CHRDL2: variants seen among roughly 807,000 people sequenced by gnomAD.
CHRDL2 encodes the protein chordin like 2.
A neutral mutation model predicts 54.3 loss-of-function variants in CHRDL2; 41 were observed. The observed-to-expected ratio is 0.76, with a 90% confidence interval of 0.59 to 0.98. CHRDL2 has a LOEUF of 0.98. Ranked by LOEUF, CHRDL2 falls within the 50% of genes least tolerant of loss-of-function variation. The pLI is 0.00. For missense variants in CHRDL2, 518 were observed against 562.4 expected (o/e 0.92, Z 0.80); for synonymous variants, 220 against 224.3 (o/e 0.98, Z 0.17).
In CHRDL2 at chr11:74,721,982, G is replaced by C. The variant is rs145958267; in HGVS notation, c.83-3150C>G. On this transcript the variant is annotated intron_variant, in intron 1 of 10. Transcript: ENST00000376332. ...AGCTTCTAGAATTGTCCAATGTTGT[G>C]GTTCTAAGATTCGATCATTCCAAGA... Among the ~76,000 whole-genome samples, 375 of 152,264 alleles carry C rather than the reference G, an allele frequency of 2.5e-3. 1 individual carries two copies. Among genetic ancestry groups the C allele is most frequent in the African/African-American group, 8.4e-3 (350 of 41,556 alleles).
intron 7 of CHRDL2, among the ~76,000 whole-genome samples, chr11:74,703,780 C>T (rs1364468239): frequency 1.3e-5 from 2 of 152,248 alleles, no homozygotes; most frequent in African/African-American, 4.8e-5. Flanking sequence ...AAGGAGAGTG[C>T]TGATCTTGTG....
Position 74,722,033 on chromosome 11 carries a change from G to T in CHRDL2, c.83-3201C>A, listed in dbSNP as rs185085466. On this transcript the variant is annotated intron_variant, in intron 1 of 10. Transcript: ENST00000376332. Reference sequence around the variant, plus strand: ...TTCTATGATTCTTGGATGTGTTGATGGTCTCATACATCTTAGGCTCTCAGA... The same window carrying T: ...TTCTATGATTCTTGGATGTGTTGATTGTCTCATACATCTTAGGCTCTCAGA... 2.6e-3 allele frequency among the ~76,000 whole-genome samples: 403 copies of T among 152,316 alleles called. 2 individuals carry two copies. The highest frequency in any genetic ancestry group is 3.4e-3 in the Non-Finnish European group (228 of 68,030).
At chr11:74,701,381 G>A (rs547389063) in intron 9 of CHRDL2, 4 of 439,914 alleles carry the variant, frequency 9.1e-6, no homozygotes, top group East Asian at 3.3e-5. Flanking sequence ...TGACTCTTGC[G>A]GTCACTCAGA....
Position 74,703,435 on chromosome 11 carries a change from G to A in CHRDL2, c.816C>T (p.Phe272=), listed in dbSNP as rs780156644. The A allele has an allele frequency of 2.7e-5, 44 of 1,612,848 alleles. No homozygotes were observed. The highest frequency in any genetic ancestry group is 1.5e-4 in the African/African-American group (11 of 74,944). ...TGCATAGGATGCAGGGCAAGGGGCC[G>A]AAGGCACGGAAGGCCGGGTGCCACA... ...GEVWHPAFRA[F]GPLPCILCTC... is the part of the protein sequence containing the mutation. The change falls in exon 8 of 11, where the codon TTC becomes TTT. Residue 272 remains phenylalanine, a synonymous_variant. Transcript: ENST00000376332.
chr11:74,704,882 C>T (rs1328250822), intron 6 of CHRDL2, among the ~76,000 whole-genome samples: 2 of 152,172 alleles, frequency 1.3e-5, no homozygotes, highest in Non-Finnish European at 2.9e-5. Flanking sequence ...GGAAATCTGG[C>T]CTCCACGAAG....
intron 3 of CHRDL2, among the ~76,000 whole-genome samples, chr11:74,712,131 A>T (rs1000338215): frequency 6.6e-6 from 1 of 151,872 alleles, no homozygotes. Context: ...TTTAATTTTT[A>T]AAAAAGAAGT....
intron 10 of CHRDL2, 52 bp downstream of exon 10, chr11:74,697,153 G>C: frequency 8.3e-6 from 12 of 1,449,192 alleles, no homozygotes; most frequent in Non-Finnish European, 1.2e-5. Context: ...GCTCTGGCCC[G>C]TGTCCTTGCC....
chr11:74,724,702 G>A (rs1237615955), intron 1 of CHRDL2, among the ~76,000 whole-genome samples: 2 of 152,342 alleles, frequency 1.3e-5, no homozygotes, highest in African/African-American at 2.4e-5. Context: ...TTTCTGTGAA[G>A]CTGCCCCAAA....
chr11:74,706,461 C>T (rs2034012047), intron 6 of CHRDL2, 26 bp downstream of exon 6: 1 of 1,612,766 alleles, frequency 6.2e-7, no homozygotes, highest in Non-Finnish European at 8.5e-7. Flanking sequence ...CTGTCCCGCA[C>T]CCCGTCAATA....
intron 1 of CHRDL2, among the ~76,000 whole-genome samples, chr11:74,724,496 C>A (rs1053334030): frequency 1.3e-5 from 2 of 152,240 alleles, no homozygotes; most frequent in South Asian, 4.1e-4. Context: ...GCCTGCTTTT[C>A]CAGCAAAACT....
intron 1 of CHRDL2, among the ~76,000 whole-genome samples, chr11:74,730,404 G>A (rs550865856): frequency 6.6e-6 from 1 of 152,328 alleles, no homozygotes; most frequent in Admixed American, 6.5e-5. Context: ...AAAAGAATGG[G>A]AAGGTTATCC....
At chr11:74,704,272 C>G (rs1188192571) in intron 7 of CHRDL2, among the ~76,000 whole-genome samples, 2 of 152,176 alleles carry the variant, frequency 1.3e-5, no homozygotes, top group Non-Finnish European at 2.9e-5. Flanking sequence ...TACTCTGAAC[C>G]TCAGTGTCCT....
chr11:74,705,603 C>A (rs930124043), intron 6 of CHRDL2, among the ~76,000 whole-genome samples: 6 of 152,350 alleles, frequency 3.9e-5, no homozygotes, highest in African/African-American at 1.4e-4. Context: ...AATGCTTGCT[C>A]CAGTCACCCA....
chr11:74,710,215 CAAA>C (rs1180503358), intron 4 of CHRDL2, among the ~76,000 whole-genome samples: 3 of 73,974 alleles, frequency 4.1e-5, no homozygotes, highest in Non-Finnish European at 2.8e-5. Flanking sequence ...GACTCCGTCT[CAAA>C]AAAAAAAAAA....
chr11:74,708,538 A>G, intron 4 of CHRDL2, 143 bp from the exon 5 acceptor site: 1 of 611,592 alleles, frequency 1.6e-6, no homozygotes, highest in Non-Finnish European at 2.7e-6. Context: ...CTCCACAGCA[A>G]GGCCCGGCCA....
chr11:74,708,249 G>T, intron 5 of CHRDL2, 53 bp downstream of exon 5: 1 of 1,258,598 alleles, frequency 7.9e-7, no homozygotes, highest in Non-Finnish European at 1.1e-6. Context: ...CCATGGCTAG[G>T]CCCATGGAGT....
intron 9 of CHRDL2, chr11:74,699,533 G>A (rs1402178079): frequency 1.3e-5 from 2 of 152,316 alleles, no homozygotes; most frequent in African/African-American, 2.4e-5. Context: ...TAGGAGTGGG[G>A]GTATGTACAG....
intron 4 of CHRDL2, among the ~76,000 whole-genome samples, chr11:74,709,928 C>A (rs979749401): frequency 2.0e-5 from 3 of 152,168 alleles, no homozygotes; most frequent in Non-Finnish European, 4.4e-5. Flanking sequence ...TTAAAAATGA[C>A]ATGCTGGGCT....
chr11:74,718,798 T>C lies in CHRDL2; in HGVS notation c.117A>G (p.Arg39=). The change falls in exon 2 of 11, where the codon AGA becomes AGG. Residue 39 remains arginine (R), a synonymous_variant. Coordinates refer to ENST00000376332, the MANE Select transcript of CHRDL2 (RefSeq NM_001278473.3). ...GGTGCCAGCTCTCGCCGGGGGAGTA[T>C]CTCTTCCCATGGAAAAGGCAGAACA... ...PDMFCLFHGK[R]YSPGESWHPY... The C allele has an allele frequency of 6.2e-7, 1 of 1,613,184 alleles. No homozygotes were observed. The highest frequency in any genetic ancestry group is 8.5e-7 in the Non-Finnish European group (1 of 1,179,640).
Sources: allele counts gnomAD v4.1 joint callset (sites outside exome capture counted in the v4.1 genomes callset), GRCh38; gene constraint gnomAD v4.1.1; transcripts MANE v1.5; gene names NCBI Gene and HGNC (gene_info 2026-07-23, HGNC 2026-07-21).